Variants in NSMAF observed in about 807,000 individuals in gnomAD.
The protein encoded by NSMAF is protein FAN.
Under a neutral mutation model 134.9 loss-of-function variants are expected in NSMAF, and 90 were observed. The ratio of observed to expected loss-of-function variants is 0.67; its 90% CI spans 0.56 to 0.79. NSMAF has a LOEUF of 0.79. NSMAF is among the 30% of genes least tolerant of loss of function. The probability of loss-of-function intolerance (pLI) is 0.00; values close to 1 mark genes in which losing one functional copy is unlikely to be tolerated. For missense variants in NSMAF, 1,010 were observed against 1,119.0 expected, an observed-to-expected ratio of 0.90 and a Z score of 1.39; for synonymous variants, 358 against 389.6, an observed-to-expected ratio of 0.92 and a Z score of 0.96.
chr8:58,600,776 A>T (rs1184506449), intron 16 of NSMAF, among the ~76,000 whole-genome samples: 1 of 152,144 alleles, frequency 6.6e-6, no homozygotes, highest in African/African-American at 2.4e-5. Flanking sequence ...GTGGGATACC[A>T]AGTAAACTTA....
Position 58,585,703 on chromosome 8 carries a change from C to A in NSMAF, c.2608G>T (p.Val870Phe). The change falls in exon 30 of 31, where the codon GTT (valine) becomes TTT (phenylalanine). Residue 870 changes from valine to phenylalanine, a missense_variant. Transcript: ENST00000038176. Reference sequence around the variant, plus strand: ...ATTTTTGCTCCAAGGAGGTCCCAAACGAGCAGTTCACCAGACTGACTGCCA... The same window carrying A: ...ATTTTTGCTCCAAGGAGGTCCCAAAAGAGCAGTTCACCAGACTGACTGCCA... ...LSGSQSGELL[V>F]WDLLGAKISE... 6.2e-7 allele frequency: 1 copy of A among 1,614,144 alleles called. No individual in the cohort carries two copies. The highest frequency in any genetic ancestry group is 1.1e-5 in the South Asian group (1 of 91,084).
At chr8:58,586,399 G>A (rs1805885596) in intron 28 of NSMAF, 59 bp downstream of exon 28, 5 of 1,434,578 alleles carry the variant, frequency 3.5e-6, no homozygotes, top group Non-Finnish European at 3.9e-6. Context: ...TAACAATATT[G>A]TTTATTTCAA....
At chr8:58,652,820 A>G (rs1807616234) in intron 1 of NSMAF, among the ~76,000 whole-genome samples, 1 of 152,274 alleles carries the variant, frequency 6.6e-6, no homozygotes, top group Admixed American at 6.5e-5. Context: ...AAGGAAAATA[A>G]GGATATGTTC....
At chr8:58,640,202 C>A (rs943249694) in intron 2 of NSMAF, 5 of 360,466 alleles carry the variant, frequency 1.4e-5, no homozygotes, top group African/African-American at 1.1e-4. Flanking sequence ...TTCCCACACA[C>A]ACAAAAGAAG....
intron 9 of NSMAF, among the ~76,000 whole-genome samples, chr8:58,613,803 A>G (rs1280936863): frequency 6.6e-6 from 1 of 152,116 alleles, no homozygotes; most frequent in Non-Finnish European, 1.5e-5. Context: ...CGGATTTTGG[A>G]TTTTTGAATG....
Position 58,586,601 on chromosome 8 carries a change from G to A in NSMAF, c.2303C>T (p.Thr768Ile). The change falls in exon 28 of 31, where the codon ACA becomes ATA. Residue 768 changes from threonine to isoleucine, a missense_variant. Thr to Ile is a moderately conservative substitution (Grantham distance 89). Coordinates refer to ENST00000038176, the MANE Select transcript of NSMAF (RefSeq NM_003580.4). ...AELEHDVSVD[T>I]ISLNAASTLL... The stretch of plus-strand genomic sequence containing the variant: ...TGTGCTTGCAGCATTTAAACTGATT[G>A]TATCTACCTAAGGAAGAAAACACAT... The A allele has an allele frequency of 6.2e-7, 1 of 1,612,058 alleles. No homozygotes were observed. The highest frequency in any genetic ancestry group is 1.7e-5 in the Admixed American group (1 of 59,720).
At chr8:58,585,610 A>G (rs770505502) in intron 30 of NSMAF, 42 bp downstream of exon 30, 130 of 1,399,614 alleles carry the variant, frequency 9.3e-5, no homozygotes, top group Non-Finnish European at 1.3e-4. Flanking sequence ...TGAGTTCATT[A>G]TCTTGAGAAC....
intron 2 of NSMAF, among the ~76,000 whole-genome samples, chr8:58,636,580 C>T (rs1375475778): frequency 1.6e-4 from 24 of 152,166 alleles, no homozygotes; most frequent in Admixed American, 1.2e-3. Context: ...AGATCAAGGG[C>T]TGGTAAACTT....
At position 58,597,914 on chromosome 8, in the gene NSMAF, A is replaced by G. The variant is rs759981835; in HGVS notation, c.1586-12T>C. ...CAGGGGATGAAATACTGAAAAAGAC[A>G]TACAAAACACTATTGAAAGATGTGC... On this transcript the variant is annotated splice_polypyrimidine_tract_variant and intron_variant, in intron 19 of 30. Transcript: ENST00000038176. The G allele has an allele frequency of 6.3e-6, 10 of 1,594,544 alleles. No homozygotes were observed. The highest frequency in any genetic ancestry group is 8.6e-6 in the Non-Finnish European group (10 of 1,162,340).
chr8:58,630,560 G>A (rs1241133229), intron 6 of NSMAF, among the ~76,000 whole-genome samples: 1 of 152,128 alleles, frequency 6.6e-6, no homozygotes, highest in Non-Finnish European at 1.5e-5. Context: ...TCAATGTGTG[G>A]AGGTGCTGTA....
rs554268482 is a variant in NSMAF, at chr8:58,615,974, G to A, written c.558-6241C>T. The stretch of plus-strand genomic sequence containing the variant: ...TATCAGCATAATGAATGAAAGAAGG[G>A]TAGATACTACAGATGCTGCTGGCAT... On this transcript the variant is annotated intron_variant, in intron 9 of 30. Coordinates refer to ENST00000038176, the MANE Select transcript of NSMAF (RefSeq NM_003580.4). 3.3e-5 allele frequency among the ~76,000 whole-genome samples: 5 copies of A among 151,978 alleles called. No homozygotes were observed. In the East Asian group the frequency reaches 9.7e-4, roughly 29 times the overall value.
chr8:58,624,743 C>A (rs552205853), intron 6 of NSMAF, among the ~76,000 whole-genome samples: 9 of 152,180 alleles, frequency 5.9e-5, no homozygotes, highest in Non-Finnish European at 1.0e-4. Context: ...GAAAGCTCTG[C>A]ATATCTGTTA....
intron 5 of NSMAF, 90 bp from the exon 6 acceptor site, chr8:58,631,636 G>A: frequency 1.4e-6 from 1 of 692,276 alleles, no homozygotes. Context: ...TCAATCAAAA[G>A]TTTTAAATCA....
At chr8:58,630,643 C>A (rs1585753146) in intron 6 of NSMAF, among the ~76,000 whole-genome samples, 1 of 152,138 alleles carries the variant, frequency 6.6e-6, no homozygotes, top group Non-Finnish European at 1.5e-5. Flanking sequence ...GACAGCCCCA[C>A]ACAATAAAGA....
Position 58,601,113 on chromosome 8 carries a change from A to T in NSMAF, c.1280+172T>A. 9.1e-6 allele frequency: 5 copies of T among 548,674 alleles called. No individual in the cohort carries two copies. In the South Asian group the frequency reaches 1.4e-4, roughly 15 times the overall value. 34.0% of individuals were successfully genotyped at this position (548,674 alleles called of 1,614,324 possible). On this transcript the variant is annotated intron_variant, in intron 16 of 30. Coordinates refer to ENST00000038176, the MANE Select transcript of NSMAF (RefSeq NM_003580.4). The stretch of plus-strand genomic sequence containing the variant: ...AGCTGTACATAAAATATGTTCTCAC[A>T]TTTACACACACATATACATGTCTAG...
At chr8:58,594,481 C>T (rs1806090966) in intron 22 of NSMAF, 191 bp from the exon 23 acceptor site, 1 of 583,076 alleles carries the variant, frequency 1.7e-6, no homozygotes, top group African/African-American at 1.9e-5. Flanking sequence ...TCTGGCAACG[C>T]CTGTGGCTAG....
At chr8:58,626,091 C>CGTTTTTTTTTTTTTTTTTTTTTT (rs1563537415) in intron 6 of NSMAF, among the ~76,000 whole-genome samples, 1 of 99,370 alleles carries the variant, frequency 1.0e-5, no homozygotes, top group Admixed American at 1.1e-4. Flanking sequence ...TTATATAATT[C>CGTTTTTTTTTTTTTTTTTTTTTT]TTTTTTTTTT....
Position 58,603,370 on chromosome 8 carries a change from C to T in NSMAF, c.885G>A (p.Glu295=). 2 of 1,613,860 alleles carry T rather than the reference C, an allele frequency of 1.2e-6. No homozygotes were observed. ...IATYLEHHVA[E]HTAESYMLQW... ...GCAGCATGTAGCTCTCAGCAGTGTG[C>T]TCCGCCACATGGTGCTCTGGGGGAA... Residue 295 remains glutamate, a synonymous_variant, in exon 13 of 31, where the codon GAG becomes GAA. Transcript: ENST00000038176.
chr8:58,588,160 C>T lies in NSMAF; in HGVS notation c.2212-459G>A, dbSNP rs144123853. Among the ~76,000 whole-genome samples, 304 of 152,164 alleles carry T rather than the reference C, an allele frequency of 2.0e-3. 1 individual carries two copies. Among genetic ancestry groups the T allele is most frequent in the African/African-American group, 6.8e-3 (284 of 41,526 alleles). On this transcript the variant is annotated intron_variant, in intron 26 of 30. Coordinates refer to ENST00000038176, the MANE Select transcript of NSMAF (RefSeq NM_003580.4). The stretch of plus-strand genomic sequence containing the variant: ...TTTAGGTTCTTGCTTTCTTTTACAC[C>T]AACACAAAATAGAAACTGAAAATAA...
Sources: allele counts gnomAD v4.1 joint callset (sites outside exome capture counted in the v4.1 genomes callset), GRCh38; gene constraint gnomAD v4.1.1; transcripts MANE v1.5; gene names NCBI Gene and HGNC (gene_info 2026-07-23, HGNC 2026-07-21).